Variants in CCSER1 observed in about 807,000 individuals in gnomAD.
The protein encoded by CCSER1 is serine-rich coiled-coil domain-containing protein 1.
Under a neutral mutation model 82.0 loss-of-function variants are expected in CCSER1, and 41 were observed. The observed-to-expected ratio is 0.50, with a 90% confidence interval of 0.39 to 0.65. CCSER1 has a LOEUF of 0.65. CCSER1 is among the 30% of genes least tolerant of loss of function. CCSER1 has a pLI of 0.00. For missense variants in CCSER1, 1,119 were observed against 1,064.2 expected, an observed-to-expected ratio of 1.05 and a Z score of -0.72; for synonymous variants, 414 against 383.9, an observed-to-expected ratio of 1.08 and a Z score of -0.92.
At chr4:90,523,627 C>G (rs1773401614) in intron 5 of CCSER1, among the ~76,000 whole-genome samples, 1 of 152,038 alleles carries the variant, frequency 6.6e-6, no homozygotes. Flanking sequence ...AATAGAATAT[C>G]AAAGTTCTGT....
intron 10 of CCSER1, among the ~76,000 whole-genome samples, chr4:91,418,573 A>C (rs1275772454): frequency 1.3e-5 from 2 of 152,018 alleles, no homozygotes; most frequent in Non-Finnish European, 2.9e-5. Context: ...AGGAGATTGA[A>C]TCAGTAATCA....
chr4:91,184,832 A>AT (rs1287107358), intron 10 of CCSER1, among the ~76,000 whole-genome samples: 3 of 152,014 alleles, frequency 2.0e-5, no homozygotes, highest in Non-Finnish European at 4.4e-5. Flanking sequence ...TTGTATGTTG[A>AT]TTTTTAGGGC....
chr4:90,649,586 G>T (rs1023222828), intron 6 of CCSER1: 12 of 152,178 alleles, frequency 7.9e-5, no homozygotes, highest in Admixed American at 2.0e-4. Context: ...AACTGAATCT[G>T]CCAGCCCCTT....
chr4:90,152,077 G>A (rs904713677), intron 1 of CCSER1, among the ~76,000 whole-genome samples: 2 of 152,264 alleles, frequency 1.3e-5, no homozygotes, highest in South Asian at 4.1e-4. Context: ...TTGACTGCAA[G>A]TAACCCAAAT....
intron 10 of CCSER1, among the ~76,000 whole-genome samples, chr4:91,335,552 T>C (rs1417285526): frequency 6.6e-6 from 1 of 152,092 alleles, no homozygotes; most frequent in African/African-American, 2.4e-5. Context: ...ACTGTTTTTC[T>C]CACGGGGAGT....
chr4:90,971,740 G>T (rs1419315410), intron 9 of CCSER1, among the ~76,000 whole-genome samples: 1 of 151,870 alleles, frequency 6.6e-6, no homozygotes, highest in African/African-American at 2.4e-5. Context: ...TATCCCTGAT[G>T]AACATAGATG....
intron 10 of CCSER1, among the ~76,000 whole-genome samples, chr4:91,531,833 T>A (rs1298627111): frequency 1.3e-5 from 2 of 152,184 alleles, no homozygotes; most frequent in Non-Finnish European, 2.9e-5. Context: ...CATAATCTAA[T>A]CACCTCTTTA....
intron 10 of CCSER1, among the ~76,000 whole-genome samples, chr4:91,394,901 A>G (rs998956375): frequency 2.0e-5 from 3 of 151,790 alleles, no homozygotes; most frequent in Non-Finnish European, 4.4e-5. Context: ...ATTTTTTCAC[A>G]TCCTCTGTGA....
intron 10 of CCSER1, among the ~76,000 whole-genome samples, chr4:91,491,051 A>C (rs939024298): frequency 4.0e-5 from 6 of 149,844 alleles, no homozygotes; most frequent in African/African-American, 9.8e-5. Context: ...ATTCACGTGA[A>C]CCCTCTGAAG....
intron 8 of CCSER1, among the ~76,000 whole-genome samples, chr4:90,899,492 A>G (rs1333024008): frequency 2.6e-5 from 4 of 152,062 alleles, no homozygotes; most frequent in African/African-American, 9.7e-5. Flanking sequence ...ATTATGCTGT[A>G]TAAGAGTGGT....
intron 9 of CCSER1, among the ~76,000 whole-genome samples, chr4:90,987,312 C>T (rs1736654689): frequency 6.6e-6 from 1 of 151,264 alleles, no homozygotes; most frequent in Non-Finnish European, 1.5e-5. Context: ...GGCATTTTGA[C>T]TGGGTCTTGT....
chr4:91,321,514 C>T (rs1746192068), intron 10 of CCSER1, among the ~76,000 whole-genome samples: 1 of 151,950 alleles, frequency 6.6e-6, no homozygotes. Flanking sequence ...TGAAAATAAA[C>T]AGTTTTGCCT....
intron 4 of CCSER1, among the ~76,000 whole-genome samples, chr4:90,411,644 G>C (rs1254476559): frequency 6.6e-6 from 1 of 152,166 alleles, no homozygotes; most frequent in Non-Finnish European, 1.5e-5. Flanking sequence ...AGCTATCTAT[G>C]ACAAACCCAC....
At chr4:90,817,940 A>C (rs996554208) in intron 8 of CCSER1, among the ~76,000 whole-genome samples, 2 of 152,170 alleles carry the variant, frequency 1.3e-5, no homozygotes, top group African/African-American at 4.8e-5. Context: ...AAATTTCAAA[A>C]AATTTTAGAA....
chr4:90,788,791 C>T (rs372663737), intron 7 of CCSER1, among the ~76,000 whole-genome samples: 6 of 152,216 alleles, frequency 3.9e-5, no homozygotes, highest in South Asian at 2.1e-4. Context: ...ATTAGAAAGG[C>T]GATCCTTTAT....
rs1211023739 is a variant in CCSER1, at chr4:90,736,419, T to A, written c.2010+12428T>A. ...GGGTGTGTATATATTTACAATATTGTATCCTCTTGCTGAATTGACCTCTTT... is the reference window on the plus strand; with the variant it reads ...GGGTGTGTATATATTTACAATATTGAATCCTCTTGCTGAATTGACCTCTTT... On this transcript the variant is annotated intron_variant, in intron 7 of 10. Coordinates refer to ENST00000509176, the MANE Select transcript of CCSER1 (RefSeq NM_001145065.2). 4.6e-5 allele frequency among the ~76,000 whole-genome samples: 7 copies of A among 152,042 alleles called. No homozygotes were observed. In the South Asian group the frequency reaches 1.5e-3, roughly 32 times the overall value.
chr4:90,333,611 T>C (rs1039059094), intron 3 of CCSER1, among the ~76,000 whole-genome samples: 4 of 152,244 alleles, frequency 2.6e-5, no homozygotes, highest in African/African-American at 9.6e-5. Context: ...GGTTCTAGCA[T>C]GTGAGTTTAC....
At chr4:90,195,894 G>A (rs1221002337) in intron 1 of CCSER1, among the ~76,000 whole-genome samples, 2 of 152,038 alleles carry the variant, frequency 1.3e-5, no homozygotes, top group African/African-American at 4.8e-5. Context: ...AGCAATATGG[G>A]CAGTGTTTCA....
chr4:91,424,438 TATCTC>T (rs763481393), intron 10 of CCSER1, among the ~76,000 whole-genome samples: 3 of 152,176 alleles, frequency 2.0e-5, no homozygotes, highest in Admixed American at 6.5e-5. Flanking sequence ...GGTCAACAGT[TATCTC>T]AGCTCTATGG....
Sources: gnomAD v4.1 joint callset for allele counts (sites outside exome capture counted in the v4.1 genomes callset) on GRCh38, gnomAD v4.1.1 for gene constraint, MANE v1.5 for transcripts, NCBI Gene and HGNC (gene_info 2026-07-23, HGNC 2026-07-21) for gene names.